Variants in RIT2 observed in about 807,000 individuals in gnomAD.
RIT2 encodes the protein Ras like without CAAX 2, also known as GTP-binding protein Rit2.
A neutral mutation model predicts 23.7 loss-of-function variants in RIT2; 24 were observed. That is an observed-to-expected ratio of 1.01 (90% CI 0.73 to 1.43). The LOEUF is 1.43. Among genes scored for constraint, RIT2 ranks in the 40% most tolerant of loss-of-function variants. The probability of loss-of-function intolerance (pLI) is 0.00; values close to 1 mark genes in which losing one functional copy is unlikely to be tolerated. For synonymous variants in RIT2, 107 were observed against 91.1 expected (o/e 1.17, Z -0.99); for missense variants, 236 against 266.9 (o/e 0.88, Z 0.81).
chr18:42,924,995 G>A (rs953560256), intron 3 of RIT2, among the ~76,000 whole-genome samples: 2 of 151,922 alleles, frequency 1.3e-5, no homozygotes, highest in African/African-American at 4.8e-5. Context: ...CTTTTGCATC[G>A]GTTTCAAGCA....
intron 4 of RIT2, among the ~76,000 whole-genome samples, chr18:42,868,297 A>G (rs1275384597): frequency 1.3e-5 from 2 of 152,182 alleles, no homozygotes; most frequent in Non-Finnish European, 2.9e-5. Context: ...GGGATCTCTC[A>G]TAATTGCTCC....
intron 1 of RIT2, among the ~76,000 whole-genome samples, chr18:43,099,002 T>C (rs954000787): frequency 2.0e-5 from 3 of 152,064 alleles, no homozygotes. Flanking sequence ...TGTTGGCATA[T>C]GATTTTAAGG....
At chr18:42,841,735 G>A (rs532657669) in intron 4 of RIT2, among the ~76,000 whole-genome samples, 3 of 152,236 alleles carry the variant, frequency 2.0e-5, no homozygotes, top group African/African-American at 7.2e-5. Flanking sequence ...GGATGTTAAT[G>A]TTTACTTTTA....
At chr18:42,959,445 C>A (rs1050341219) in intron 3 of RIT2, among the ~76,000 whole-genome samples, 1 of 152,142 alleles carries the variant, frequency 6.6e-6, no homozygotes, top group African/African-American at 2.4e-5. Flanking sequence ...TACAATTAAA[C>A]AGTTACATCT....
rs575862740 is a variant in RIT2 at position 42,830,914 on chromosome 18, C to A, written c.427-87194G>T. Reference sequence around the variant, plus strand: ...TGGGGTCACCAATTTTACTTTTGTCCCAAAAGTAATTGGTAGAAATGGATT... The same window carrying A: ...TGGGGTCACCAATTTTACTTTTGTCACAAAAGTAATTGGTAGAAATGGATT... On this transcript the variant is annotated intron_variant, in intron 4 of 4. Transcript: ENST00000326695. 3.6e-4 allele frequency among the ~76,000 whole-genome samples: 54 copies of A among 151,956 alleles called. 1 individual carries two copies. The highest frequency in any genetic ancestry group is 1.9e-4 in the Non-Finnish European group (13 of 67,996).
At chr18:42,821,051 A>G (rs1461213222) in intron 4 of RIT2, among the ~76,000 whole-genome samples, 3 of 152,044 alleles carry the variant, frequency 2.0e-5, no homozygotes, top group African/African-American at 7.2e-5. Context: ...CCATGAATAA[A>G]AGTTTCCTGA....
chr18:42,900,053 AATT>A (rs1418772918), intron 4 of RIT2, among the ~76,000 whole-genome samples: 2 of 152,072 alleles, frequency 1.3e-5, no homozygotes, highest in East Asian at 1.9e-4. Flanking sequence ...GAAACTAATT[AATT>A]ATTAACCTCC....
At chr18:42,991,883 C>A (rs969769747) in intron 2 of RIT2, among the ~76,000 whole-genome samples, 1 of 152,130 alleles carries the variant, frequency 6.6e-6, no homozygotes. Context: ...CTCAGCCCGC[C>A]TGCGGCCAGG....
intron 4 of RIT2, among the ~76,000 whole-genome samples, chr18:42,773,761 A>C (rs927886958): frequency 2.0e-5 from 3 of 152,194 alleles, no homozygotes; most frequent in Admixed American, 6.5e-5. Context: ...CAATCAAGGA[A>C]GTTGAAGAAA....
chr18:42,947,727 G>A (rs765902816), intron 3 of RIT2, among the ~76,000 whole-genome samples: 58 of 152,222 alleles, frequency 3.8e-4, no homozygotes, highest in Non-Finnish European at 4.6e-4. Flanking sequence ...TCAGTAGCAC[G>A]TGGACTATGA....
intron 4 of RIT2, among the ~76,000 whole-genome samples, chr18:42,914,687 T>A (rs138058731): frequency 3.7e-3 from 563 of 152,110 alleles, no homozygotes; most frequent in Non-Finnish European, 6.1e-3. Context: ...GAGTTGAGTG[T>A]CTTGATTATG....
intron 2 of RIT2, among the ~76,000 whole-genome samples, chr18:42,988,278 T>G (rs1910759978): frequency 6.6e-6 from 1 of 152,170 alleles, no homozygotes; most frequent in Non-Finnish European, 1.5e-5. Flanking sequence ...AGAGAAAATA[T>G]TCACTTTCTC....
At chr18:43,009,126 C>T (rs1358846014) in intron 2 of RIT2, among the ~76,000 whole-genome samples, 1 of 151,282 alleles carries the variant, frequency 6.6e-6, no homozygotes, top group Non-Finnish European at 1.5e-5. Flanking sequence ...AGAAACCAAC[C>T]CATCGCAATG....
chr18:42,818,261 T>C (rs1402952766), intron 4 of RIT2, among the ~76,000 whole-genome samples: 1 of 152,100 alleles, frequency 6.6e-6, no homozygotes, highest in Non-Finnish European at 1.5e-5. Context: ...ATGCCTAGAA[T>C]GGGCAAAATT....
At chr18:42,766,882 T>C (rs1458621092) in intron 4 of RIT2, among the ~76,000 whole-genome samples, 1 of 152,208 alleles carries the variant, frequency 6.6e-6, no homozygotes, top group Non-Finnish European at 1.5e-5. Flanking sequence ...CTTCAGAGCG[T>C]GGAAGCCCTG....
chr18:42,974,121 T>C lies in RIT2; in HGVS notation c.187A>G (p.Ile63Val), dbSNP rs748213647. The C allele has an allele frequency of 3.7e-6, 6 of 1,611,648 alleles. No homozygotes were observed. In the South Asian group the frequency reaches 6.6e-5, roughly 18 times the overall value. Residue 63 changes from isoleucine to valine, a missense_variant, in exon 3 of 5, where the codon ATT becomes GTT. Coordinates refer to ENST00000326695, the MANE Select transcript of RIT2 (RefSeq NM_002930.4). The part of the protein sequence containing the change: ...IEDAYKTQVR[I>V]DNEPAYLDIL... Reference sequence around the variant, plus strand: ...TCCAAGTAAGCTGGCTCATTGTCAATCCTGACCTGGGTCTTATAAGCATCT... The same window carrying C: ...TCCAAGTAAGCTGGCTCATTGTCAACCCTGACCTGGGTCTTATAAGCATCT...
intron 4 of RIT2, among the ~76,000 whole-genome samples, chr18:42,853,082 C>G (rs1190616375): frequency 6.6e-6 from 1 of 152,166 alleles, no homozygotes; most frequent in Non-Finnish European, 1.5e-5. Flanking sequence ...GACCCGCCAG[C>G]CTTGGCCTCC....
intron 2 of RIT2, among the ~76,000 whole-genome samples, chr18:42,987,604 GAATA>G (rs1910741387): frequency 6.6e-6 from 1 of 152,146 alleles, no homozygotes; most frequent in Non-Finnish European, 1.5e-5. Flanking sequence ...GCATAAATAA[GAATA>G]TTTATATCAC....
chr18:43,061,530 T>C (rs1411724977), intron 1 of RIT2, among the ~76,000 whole-genome samples: 1 of 152,078 alleles, frequency 6.6e-6, no homozygotes, highest in Non-Finnish European at 1.5e-5. Flanking sequence ...CAGTCTAAAG[T>C]CTAAAAACTG....
Sources: gnomAD v4.1 joint callset for allele counts (sites outside exome capture counted in the v4.1 genomes callset) on GRCh38, gnomAD v4.1.1 for gene constraint, MANE v1.5 for transcripts, NCBI Gene and HGNC (gene_info 2026-07-23, HGNC 2026-07-21) for gene names.